LRP1B: variants seen among roughly 807,000 people sequenced by gnomAD.
LRP1B encodes the protein low-density lipoprotein receptor-related protein 1B.
Under a neutral mutation model 556.6 loss-of-function variants are expected in LRP1B, and 217 were observed. The ratio of observed to expected loss-of-function variants is 0.39; its 90% CI spans 0.35 to 0.44. LRP1B has a LOEUF of 0.44. Among genes scored for constraint, LRP1B ranks in the 20% least tolerant of loss-of-function variants. The probability of loss-of-function intolerance (pLI) is 1.00; values close to 1 mark genes in which losing one functional copy is unlikely to be tolerated. For synonymous variants in LRP1B, 2,047 were observed against 1,865.8 expected, an observed-to-expected ratio of 1.10 and a Z score of -2.50; for missense variants, 5,053 against 5,620.8, an observed-to-expected ratio of 0.90 and a Z score of 3.23.
rs868821912 is a variant in LRP1B at position 141,058,165 on chromosome 2, C to T, written c.1408+718G>A. Among the ~76,000 whole-genome samples, 7 of 151,844 alleles carry T rather than the reference C, an allele frequency of 4.6e-5. No individual in the cohort carries two copies. The South Asian group carries it at 1.2e-3, about 27-fold the overall frequency. ...ATCCTAATATTAAACTCTAATAAGG[C>T]CATCTACAGAATTTTAAATTTGAGT... is the stretch of plus-strand genomic sequence containing the variant. On this transcript the variant is annotated intron_variant, in intron 9 of 90. Coordinates refer to ENST00000389484, the MANE Select transcript of LRP1B (RefSeq NM_018557.3).
chr2:141,166,367 CT>C (rs35200370), intron 7 of LRP1B, among the ~76,000 whole-genome samples: 9,056 of 132,674 alleles, frequency 0.068, 310 homozygotes, highest in South Asian at 0.12. Flanking sequence ...CTCTCTCATT[CT>C]TTTTTTTTTT....
intron 2 of LRP1B, among the ~76,000 whole-genome samples, chr2:141,631,269 A>G (rs1558766647): frequency 6.6e-6 from 1 of 152,102 alleles, no homozygotes; most frequent in East Asian, 1.9e-4. Flanking sequence ...CTATGCTTCA[A>G]TTACCTCCCA....
intron 2 of LRP1B, among the ~76,000 whole-genome samples, chr2:141,760,566 C>T (rs922701424): frequency 1.3e-5 from 2 of 152,146 alleles, no homozygotes; most frequent in Non-Finnish European, 2.9e-5. Flanking sequence ...TTTAGTGCAA[C>T]TTATATACAA....
intron 3 of LRP1B, among the ~76,000 whole-genome samples, chr2:141,255,512 A>G (rs1684427425): frequency 6.6e-6 from 1 of 152,062 alleles, no homozygotes; most frequent in Admixed American, 6.6e-5. Flanking sequence ...TATGTAAAAG[A>G]ACACCTGAAA....
At chr2:140,774,068 T>C (rs1689409037) in intron 33 of LRP1B, among the ~76,000 whole-genome samples, 1 of 152,132 alleles carries the variant, frequency 6.6e-6, no homozygotes, top group Non-Finnish European at 1.5e-5. Context: ...TCACTAATTG[T>C]ACTTTGAAAT....
At chr2:141,127,555 AGC>A (rs1437421902) in intron 7 of LRP1B, among the ~76,000 whole-genome samples, 2 of 152,210 alleles carry the variant, frequency 1.3e-5, no homozygotes, top group African/African-American at 4.8e-5. Flanking sequence ...AATACTATGC[AGC>A]CATAAAAAAG....
intron 18 of LRP1B, among the ~76,000 whole-genome samples, chr2:140,972,493 T>G (rs553631077): frequency 6.6e-6 from 1 of 152,298 alleles, no homozygotes; most frequent in African/African-American, 2.4e-5. Context: ...GAGTTTATCT[T>G]CCTATGGAGA....
intron 14 of LRP1B, among the ~76,000 whole-genome samples, chr2:141,010,927 T>C (rs565515000): frequency 6.6e-6 from 1 of 150,424 alleles, no homozygotes; most frequent in African/African-American, 2.4e-5. Context: ...TTCCTGAATA[T>C]TTTTCATGGT....
chr2:140,749,470 T>G (rs1177934123), intron 35 of LRP1B, among the ~76,000 whole-genome samples: 1 of 152,206 alleles, frequency 6.6e-6, no homozygotes, highest in East Asian at 1.9e-4. Flanking sequence ...ATCCTTATTA[T>G]ATAAACTTTA....
intron 1 of LRP1B, among the ~76,000 whole-genome samples, chr2:142,117,123 A>T (rs1707300594): frequency 6.6e-6 from 1 of 152,054 alleles, no homozygotes; most frequent in Non-Finnish European, 1.5e-5. Context: ...TCCCTGCAGT[A>T]CTAAGGCTGA....
chr2:140,287,658 A>G (rs984377678), intron 84 of LRP1B, among the ~76,000 whole-genome samples: 1 of 151,620 alleles, frequency 6.6e-6, no homozygotes, highest in East Asian at 1.9e-4. Flanking sequence ...AAAAAAAAAA[A>G]AAATCCAAAT....
intron 71 of LRP1B, among the ~76,000 whole-genome samples, chr2:140,365,272 A>G (rs1311230294): frequency 6.6e-6 from 1 of 151,688 alleles, no homozygotes; most frequent in African/African-American, 2.4e-5. Context: ...ACACAAAGAA[A>G]CGATTTTTTA....
chr2:140,670,477 G>A (rs115092435), intron 41 of LRP1B, among the ~76,000 whole-genome samples: 2,075 of 152,220 alleles, frequency 0.014, 39 homozygotes, highest in Admixed American at 0.046. Flanking sequence ...TAGAGATAAT[G>A]TAAATGCTAA....
chr2:141,018,168 T>C (rs1697961945), intron 12 of LRP1B, among the ~76,000 whole-genome samples: 1 of 152,212 alleles, frequency 6.6e-6, no homozygotes, highest in Non-Finnish European at 1.5e-5. Flanking sequence ...CATAGGTTAA[T>C]CTGGCCTTCT....
chr2:141,771,812 T>C (rs374806639), intron 2 of LRP1B, among the ~76,000 whole-genome samples: 3 of 152,042 alleles, frequency 2.0e-5, no homozygotes, highest in African/African-American at 7.2e-5. Flanking sequence ...TTGTTGTTTG[T>C]TTGTTTTTGT....
intron 87 of LRP1B, among the ~76,000 whole-genome samples, chr2:140,246,498 C>T (rs1250391770): frequency 6.8e-6 from 1 of 147,784 alleles, no homozygotes; most frequent in Non-Finnish European, 1.5e-5. Context: ...ATGATATAGA[C>T]ACAAGTGACC....
rs1700349793 is a variant in LRP1B, at chr2:141,097,410, T to C, written c.1014-35137A>G. On this transcript the variant is annotated intron_variant, in intron 7 of 90. Transcript: ENST00000389484. Reference sequence around the variant, plus strand: ...TATTAAGCAAGTATCTGTGAACGGATGCCACTTCAAAGAGGGGGAGTAAGA... The same window carrying C: ...TATTAAGCAAGTATCTGTGAACGGACGCCACTTCAAAGAGGGGGAGTAAGA... 2.0e-5 allele frequency among the ~76,000 whole-genome samples: 3 copies of C among 151,930 alleles called. No individual in the cohort carries two copies. The South Asian group carries it at 6.2e-4, about 32-fold the overall frequency.
intron 2 of LRP1B, among the ~76,000 whole-genome samples, chr2:141,722,812 T>C (rs1692881911): frequency 6.6e-6 from 1 of 152,034 alleles, no homozygotes; most frequent in South Asian, 2.1e-4. Context: ...TATGGTTCTG[T>C]ATTGGTTTTG....
intron 3 of LRP1B, among the ~76,000 whole-genome samples, chr2:141,302,974 G>A (rs1686452513): frequency 2.0e-5 from 3 of 151,944 alleles, no homozygotes; most frequent in Admixed American, 2.0e-4. Context: ...ATGAATACTA[G>A]CAATTACGTG....
Sources: allele counts gnomAD v4.1 joint callset (sites outside exome capture counted in the v4.1 genomes callset), GRCh38; gene constraint gnomAD v4.1.1; transcripts MANE v1.5; gene names NCBI Gene and HGNC (gene_info 2026-07-23, HGNC 2026-07-21).